Variants in NCKAP5 observed in about 807,000 individuals in gnomAD.
The protein encoded by NCKAP5 is nck-associated protein 5.
Under a neutral mutation model 167.0 loss-of-function variants are expected in NCKAP5, and 92 were observed. The ratio of observed to expected loss-of-function variants is 0.55; its 90% CI spans 0.47 to 0.66. The LOEUF is 0.66. NCKAP5 is among the 30% of genes least tolerant of loss of function. The pLI is 0.00. For synonymous variants in NCKAP5, 891 were observed against 877.4 expected (o/e 1.02, Z -0.27); for missense variants, 2,378 against 2,315.0 (o/e 1.03, Z -0.56).
At chr2:132,870,791 G>A (rs9967738) in intron 9 of NCKAP5, among the ~76,000 whole-genome samples, 68,405 of 149,872 alleles carry the variant, frequency 0.46, 16,206 homozygotes, top group East Asian at 0.71. Context: ...CTCAATACTG[G>A]CAAATAGTAC....
intron 6 of NCKAP5, among the ~76,000 whole-genome samples, chr2:133,067,021 A>ATTTTAT (rs111620252): frequency 0.81 from 122,383 of 151,410 alleles, 50,249 homozygotes; most frequent in East Asian, 0.97. Context: ...ACTCAGTGCC[A>ATTTTAT]TTTTATTTTT....
chr2:132,979,996 CTTT>C (rs1273323851), intron 7 of NCKAP5, among the ~76,000 whole-genome samples: 9 of 134,638 alleles, frequency 6.7e-5, no homozygotes, highest in Admixed American at 2.3e-4. Flanking sequence ...TTTTCTTTTT[CTTT>C]TTTTTTTTTT....
At chr2:132,932,957 C>G (rs1265918134) in intron 8 of NCKAP5, among the ~76,000 whole-genome samples, 1 of 143,084 alleles carries the variant, frequency 7.0e-6, no homozygotes, top group Non-Finnish European at 1.5e-5. Context: ...CAGAATCTCG[C>G]TTTGTTGCCC....
intron 3 of NCKAP5, among the ~76,000 whole-genome samples, chr2:133,350,002 T>C (rs866029460): frequency 8.5e-5 from 13 of 152,360 alleles, no homozygotes; most frequent in African/African-American, 3.1e-4. Flanking sequence ...GCTTTCCCCA[T>C]GATAATATTC....
intron 1 of NCKAP5, among the ~76,000 whole-genome samples, chr2:133,563,564 T>TAAAAAAAAAAAAAAAAAAAAAAAA (rs57901498): frequency 5.7e-5 from 3 of 53,012 alleles, no homozygotes; most frequent in African/African-American, 2.1e-4. Flanking sequence ...AAAGACTCCA[T>TAAAAAAAAAAAAAAAAAAAAAAAA]AAAAAAAAAA....
At chr2:133,468,903 T>C (rs939339196) in intron 3 of NCKAP5, among the ~76,000 whole-genome samples, 18 of 152,236 alleles carry the variant, frequency 1.2e-4, no homozygotes, top group Non-Finnish European at 2.1e-4. Context: ...CCTATGTGTG[T>C]CTCTGAACGT....
At chr2:133,132,516 C>CACACACACACACACACAA (rs374197642) in intron 5 of NCKAP5, among the ~76,000 whole-genome samples, 41 of 146,504 alleles carry the variant, frequency 2.8e-4, no homozygotes, top group African/African-American at 9.5e-4. Context: ...CACACACACA[C>CACACACACACACACACAA]AAACCCTGAT....
chr2:133,107,198 A>C (rs1227219663), intron 6 of NCKAP5, among the ~76,000 whole-genome samples: 1 of 152,190 alleles, frequency 6.6e-6, no homozygotes, highest in African/African-American at 2.4e-5. Context: ...GGTAGAAGGG[A>C]CCACGGCCAG....
intron 3 of NCKAP5, among the ~76,000 whole-genome samples, chr2:133,512,452 G>T (rs192778030): frequency 6.6e-6 from 1 of 152,300 alleles, no homozygotes; most frequent in African/African-American, 2.4e-5. Context: ...CCTAGTGCCT[G>T]TCTTTGTAAT....
At chr2:132,826,255 A>C (rs1056887733) in intron 11 of NCKAP5, among the ~76,000 whole-genome samples, 1 of 152,222 alleles carries the variant, frequency 6.6e-6, no homozygotes, top group Non-Finnish European at 1.5e-5. Flanking sequence ...GTCCCTTTTA[A>C]AGATTTCAGT....
chr2:132,808,456 C>T (rs1043381923), intron 11 of NCKAP5, among the ~76,000 whole-genome samples: 3 of 152,048 alleles, frequency 2.0e-5, no homozygotes, highest in Non-Finnish European at 4.4e-5. Context: ...ATGGTCTGTT[C>T]AGGGTATCTA....
intron 3 of NCKAP5, among the ~76,000 whole-genome samples, chr2:133,363,743 A>G (rs1317002753): frequency 6.6e-6 from 1 of 152,090 alleles, no homozygotes; most frequent in African/African-American, 2.4e-5. Context: ...AAAATACTAG[A>G]TGGACTTTTG....
chr2:132,739,631 C>G (rs1223364244), intron 16 of NCKAP5, among the ~76,000 whole-genome samples: 1 of 152,118 alleles, frequency 6.6e-6, no homozygotes, highest in African/African-American at 2.4e-5. Context: ...TCATGGAATC[C>G]AAGGGAAACC....
chr2:133,110,237 T>C (rs2081862568), intron 6 of NCKAP5, among the ~76,000 whole-genome samples: 1 of 152,230 alleles, frequency 6.6e-6, no homozygotes. Context: ...CTGTAGTTAT[T>C]TGTTACTAAT....
At chr2:132,937,224 C>T (rs1171023913) in intron 8 of NCKAP5, among the ~76,000 whole-genome samples, 4 of 152,132 alleles carry the variant, frequency 2.6e-5, no homozygotes, top group African/African-American at 9.7e-5. Flanking sequence ...GACACAGGTG[C>T]TGGCTGCTAG....
chr2:133,071,280 C>A (rs965368458), intron 6 of NCKAP5, among the ~76,000 whole-genome samples: 1 of 152,142 alleles, frequency 6.6e-6, no homozygotes, highest in African/African-American at 2.4e-5. Context: ...CCCGTCTCTA[C>A]TAAAAATACA....
At chr2:133,598,884 G>A in the NCKAP5 span, among the ~76,000 whole-genome samples, 1 of 152,180 alleles carries the variant, frequency 6.6e-6, no homozygotes, top group Non-Finnish European at 1.5e-5. Flanking sequence ...AAGGCTCTAG[G>A]GAAGAATCCC....
At chr2:133,118,430 T>C (rs575438443) in intron 6 of NCKAP5, 1 of 152,254 alleles carries the variant, frequency 6.6e-6, no homozygotes, top group South Asian at 2.1e-4. Context: ...ATGGACCAGG[T>C]TGGCCAAATA....
At chr2:133,599,432 A>G in the NCKAP5 span, among the ~76,000 whole-genome samples, 8,579 of 152,260 alleles carry the variant, frequency 0.056, 565 homozygotes, top group East Asian at 0.35. Context: ...GGATTGCACA[A>G]GGAAGTGCAA....
Sources: gnomAD v4.1 joint callset for allele counts (sites outside exome capture counted in the v4.1 genomes callset) on GRCh38, gnomAD v4.1.1 for gene constraint, MANE v1.5 for transcripts, NCBI Gene and HGNC (gene_info 2026-07-23, HGNC 2026-07-21) for gene names.